Variants in EIF2AK4 observed in about 807,000 individuals in gnomAD.
EIF2AK4 encodes the protein eIF-2-alpha kinase GCN2.
A neutral mutation model predicts 211.1 loss-of-function variants in EIF2AK4; 139 were observed. That is an observed-to-expected ratio of 0.66 (90% CI 0.57 to 0.76). EIF2AK4 has a LOEUF of 0.76. Among genes scored for constraint, EIF2AK4 ranks in the 30% least tolerant of loss-of-function variants. The pLI, the probability that EIF2AK4 is intolerant of heterozygous loss-of-function variation, is 0.00. For missense variants in EIF2AK4, 1,664 were observed against 2,043.8 expected, an observed-to-expected ratio of 0.81 and a Z score of 3.58; for synonymous variants, 710 against 751.3, an observed-to-expected ratio of 0.94 and a Z score of 0.90.
In EIF2AK4 at chr15:40,016,564, AAATT is replaced by A; in HGVS notation, c.3823_3826del (p.Asn1275HisfsTer2). ...ATTTGCAAGATCTTATGCCAACAAT[AAATT>A]CATTAATAAAACAGAAAACAGGTAT... On this transcript the variant is annotated frameshift_variant, in exon 28 of 39. Coordinates refer to ENST00000263791, the MANE Select transcript of EIF2AK4 (RefSeq NM_001013703.4). LOFTEE classifies it high-confidence loss of function. The A allele has an allele frequency of 6.8e-6, 11 of 1,614,212 alleles. No individual in the cohort carries two copies. Among genetic ancestry groups the A allele is most frequent in the Non-Finnish European group, 9.3e-6 (11 of 1,180,032 alleles).
Position 39,976,760 on chromosome 15 carries a change from G to A in EIF2AK4, c.2165G>A (p.Arg722His), listed in dbSNP as rs2034700702. The A allele has an allele frequency of 6.3e-7, 1 of 1,596,690 alleles. No individual in the cohort carries two copies. The highest frequency in any genetic ancestry group is 1.7e-5 in the Admixed American group (1 of 57,844). ...TCGGGCGAGCGCTCGGCCAGTGCCC[G>A]TTTCCCCGCCACCGGCCCGGGCTCC... Reference protein sequence around the residue: ...STSGERSASARFPATGPGSSD... With the variant: ...STSGERSASAHFPATGPGSSD... Residue 722 changes from arginine to histidine, a missense_variant, in exon 12 of 39, where the codon CGT becomes CAT. Arg to His is a conservative substitution (Grantham distance 29). This residue lies in a region of EIF2AK4 where 206 missense variants were observed against 201.9 expected (regional missense o/e 1.02). Transcript: ENST00000263791.
Position 39,978,156 on chromosome 15 carries a change from A to C in EIF2AK4, c.2319+9A>C, listed in dbSNP as rs200759892. On this transcript the variant is annotated intron_variant, in intron 13 of 38. Coordinates refer to ENST00000263791, the MANE Select transcript of EIF2AK4 (RefSeq NM_001013703.4). ...GTAAAAGTCAGAATCAGGTATATAT[A>C]TGAATAGAAATTATATCATTTTATT... The C allele has an allele frequency of 3.4e-6, 5 of 1,452,290 alleles. No homozygotes were observed. The East Asian group carries it at 1.2e-4, about 34-fold the overall frequency. 90.0% of individuals were successfully genotyped at this position (1,452,290 alleles called of 1,614,324 possible). A position where few individuals can be genotyped will look rare whatever the true frequency, so the allele number is the denominator to read the frequency against.
At chr15:39,961,265 C>T (rs1483434720) in intron 6 of EIF2AK4, among the ~76,000 whole-genome samples, 1 of 152,192 alleles carries the variant, frequency 6.6e-6, no homozygotes, top group Admixed American at 6.5e-5. Flanking sequence ...TTTGTGGCAG[C>T]TCCAACCCCC....
intron 6 of EIF2AK4, among the ~76,000 whole-genome samples, chr15:39,959,546 A>T (rs1284154118): frequency 6.6e-6 from 1 of 152,094 alleles, no homozygotes; most frequent in African/African-American, 2.4e-5. Flanking sequence ...AGCCATCAAC[A>T]CTCATTGTGT....
At chr15:40,026,793 T>C (rs1008792139) in intron 33 of EIF2AK4, among the ~76,000 whole-genome samples, 4 of 152,230 alleles carry the variant, frequency 2.6e-5, no homozygotes, top group African/African-American at 7.2e-5. Context: ...GATGGGAGTA[T>C]CAACCATATG....
chr15:39,994,348 C>T (rs182144180), intron 18 of EIF2AK4, among the ~76,000 whole-genome samples: 36 of 152,294 alleles, frequency 2.4e-4, no homozygotes, highest in African/African-American at 6.7e-4. Flanking sequence ...TGGTTCATGC[C>T]TATAATCCCA....
At chr15:40,004,981 T>C (rs1472598995) in intron 23 of EIF2AK4, among the ~76,000 whole-genome samples, 4 of 152,086 alleles carry the variant, frequency 2.6e-5, no homozygotes, top group Admixed American at 1.3e-4. Context: ...GGATGGAAAA[T>C]ACTCAGAAAA....
At position 39,976,838 on chromosome 15, in the gene EIF2AK4, C is replaced by T; in HGVS notation, c.2243C>T (p.Ser748Phe). The T allele has an allele frequency of 6.6e-7, 1 of 1,519,750 alleles. No homozygotes were observed. The highest frequency in any genetic ancestry group is 1.3e-5 in the South Asian group (1 of 78,804). The allele number at this position is 1,519,750 out of a possible 1,614,324, so 94.1% of individuals were successfully genotyped here. Reference sequence around the variant, plus strand: ...GAGCACGGTGGCGTCTTCTCCCAGTCCTTCCTGTAAGCGCACGGCGCGGAC... The same window carrying T: ...GAGCACGGTGGCGTCTTCTCCCAGTTCTTCCTGTAAGCGCACGGCGCGGAC... ...EDEHGGVFSQ[S>F]FLPASDSESD... Residue 748 changes from serine to phenylalanine, a missense_variant, in exon 12 of 39, where the codon TCC becomes TTC. Physicochemically the swap from Ser to Phe is radical, Grantham distance 155 (BLOSUM62 -2). Transcript: ENST00000263791.
intron 26 of EIF2AK4, 114 bp from the exon 27 acceptor site, chr15:40,011,167 T>C (rs562179156): frequency 1.3e-6 from 1 of 772,962 alleles, no homozygotes; most frequent in South Asian, 1.7e-5. Context: ...CCTGTACCAT[T>C]AGGAGCAGTT....
chr15:40,022,708 T>G, intron 32 of EIF2AK4, 103 bp downstream of exon 32: 3 of 910,424 alleles, frequency 3.3e-6, no homozygotes, highest in Non-Finnish European at 3.4e-6. Context: ...TGGAAATCCG[T>G]TCCCTCTACT....
At chr15:39,953,247 A>G (rs1205053111) in intron 4 of EIF2AK4, among the ~76,000 whole-genome samples, 2 of 152,242 alleles carry the variant, frequency 1.3e-5, no homozygotes, top group Non-Finnish European at 2.9e-5. Context: ...ATACTGCTAT[A>G]GCTACCTATA....
intron 30 of EIF2AK4, among the ~76,000 whole-genome samples, chr15:40,020,177 A>AG (rs908328522): frequency 6.6e-6 from 1 of 151,414 alleles, no homozygotes; most frequent in African/African-American, 2.4e-5. Context: ...AAAAAAAAAA[A>AG]AGAAAAAAGA....
chr15:39,976,298 G>A, intron 11 of EIF2AK4, 116 bp from the exon 12 acceptor site: 2 of 1,117,588 alleles, frequency 1.8e-6, no homozygotes. Flanking sequence ...GTTCTTGACT[G>A]TAGCTGTGGG....
At chr15:39,993,030 GTCCATCCATCCATCCATCCATCCA>G (rs1199022740) in intron 18 of EIF2AK4, among the ~76,000 whole-genome samples, 182 bp downstream of exon 18, 1 of 146,570 alleles carries the variant, frequency 6.8e-6, no homozygotes, top group Non-Finnish European at 1.5e-5. Context: ...GGAGCTTACA[GTCCATCCATCCATCCATCCATCCA>G]TCCATCCATC....
chr15:40,002,046 T>C (rs924496413), intron 21 of EIF2AK4, among the ~76,000 whole-genome samples: 1 of 152,228 alleles, frequency 6.6e-6, no homozygotes, highest in Non-Finnish European at 1.5e-5. Context: ...GTTTGCTTAA[T>C]ATATATGATA....
At chr15:39,937,888 A>G (rs1253024772) in intron 1 of EIF2AK4, among the ~76,000 whole-genome samples, 1 of 152,240 alleles carries the variant, frequency 6.6e-6, no homozygotes, top group African/African-American at 2.4e-5. Context: ...CTGGTAAAAC[A>G]AACAAAAAAC....
rs73388567 is a variant in EIF2AK4, at chr15:39,997,670, G to A, written c.2868+605G>A. On this transcript the variant is annotated intron_variant, in intron 19 of 38. Transcript: ENST00000263791. ...CAAGACCAGAAGTTAAAACGGGTCC[G>A]AAAAAAATATCTGCCCCTTGAAATG... Among the ~76,000 whole-genome samples the A allele has an allele frequency of 7.7e-3, 1,166 of 152,218 alleles. 19 individuals carry two copies. The highest frequency in any genetic ancestry group is 0.026 in the African/African-American group (1,087 of 41,552).
chr15:40,016,600 G>C lies in EIF2AK4; in HGVS notation c.3858G>C (p.Gln1286His). 1.2e-6 allele frequency: 2 copies of C among 1,614,232 alleles called. No homozygotes were observed. Among genetic ancestry groups the C allele is most frequent in the South Asian group, 1.1e-5 (1 of 91,090 alleles). The change falls in exon 28 of 39, where the codon CAG becomes CAC. Residue 1286 changes from glutamine to histidine, a missense_variant. This residue lies in a region of EIF2AK4 where 622 missense variants were observed against 796.8 expected (regional missense o/e 0.78). Coordinates refer to ENST00000263791, the MANE Select transcript of EIF2AK4 (RefSeq NM_001013703.4). ...TAAAACAGAAAACAGGTATTGCACAGTTGGTGAAGTATGGCTTAAAAGACC... is the reference window on the plus strand; with the variant it reads ...TAAAACAGAAAACAGGTATTGCACACTTGGTGAAGTATGGCTTAAAAGACC... The part of the protein sequence containing the change: ...SLIKQKTGIA[Q>H]LVKYGLKDLE...
chr15:39,988,966 G>A (rs992992618), intron 15 of EIF2AK4, among the ~76,000 whole-genome samples: 12 of 152,194 alleles, frequency 7.9e-5, no homozygotes, highest in Admixed American at 5.2e-4. Flanking sequence ...GTACCACTGC[G>A]CTCCAGCCTA....
Sources: gnomAD v4.1 joint callset for allele counts (sites outside exome capture counted in the v4.1 genomes callset) on GRCh38, gnomAD v4.1.1 for gene constraint, gnomAD v4.1.1 regional missense constraint, MANE v1.5 for transcripts, NCBI Gene and HGNC (gene_info 2026-07-23, HGNC 2026-07-21) for gene names.